AFF2: variants seen among roughly 807,000 people sequenced by gnomAD.
AFF2 encodes AF4/FMR2 family member 2.
A neutral mutation model predicts 76.9 loss-of-function variants in AFF2; 14 were observed. The observed-to-expected ratio is 0.18, with a 90% confidence interval of 0.12 to 0.28. The LOEUF is 0.28. AFF2 is among the 10% of genes least tolerant of loss of function. AFF2 has a pLI of 1.00. For synonymous variants in AFF2, 398 were observed against 366.7 expected (o/e 1.09, Z -0.98); for missense variants, 868 against 1,001.1 (o/e 0.87, Z 1.79).
At chrX:148,653,673 A>G (rs1304481082) in intron 2 of AFF2, among the ~76,000 whole-genome samples, 2 of 111,622 alleles carry the variant, frequency 1.8e-5, no homozygotes, top group Non-Finnish European at 3.8e-5. Flanking sequence ...AGCTATTGTA[A>G]TTGATGAGGG....
At chrX:148,743,457 A>G (rs73638183) in intron 3 of AFF2, among the ~76,000 whole-genome samples, 3,197 of 112,136 alleles carry the variant, frequency 0.029, 116 homozygotes, top group African/African-American at 0.099. Context: ...TTTTCTTATT[A>G]TGTACAGATA....
intron 3 of AFF2, among the ~76,000 whole-genome samples, chrX:148,720,146 C>G (rs1372834671): frequency 9.0e-6 from 1 of 111,008 alleles, no homozygotes; most frequent in East Asian, 2.9e-4. Context: ...TATACTCCAA[C>G]TACAGTAATT....
chrX:148,746,035 G>A (rs184286310), intron 3 of AFF2, among the ~76,000 whole-genome samples: 16 of 111,394 alleles, frequency 1.4e-4, no homozygotes, highest in African/African-American at 4.9e-4. Flanking sequence ...GAGCCACCGC[G>A]CCCAGCCCGT....
intron 3 of AFF2, among the ~76,000 whole-genome samples, chrX:148,768,951 T>G (rs1413938050): frequency 1.8e-5 from 2 of 112,225 alleles, no homozygotes; most frequent in African/African-American, 6.5e-5. Flanking sequence ...CACTTCTTTT[T>G]TATTTCAACT....
intron 1 of AFF2, among the ~76,000 whole-genome samples, chrX:148,633,451 A>G (rs1190604723): frequency 2.7e-5 from 3 of 112,069 alleles, no homozygotes; most frequent in Non-Finnish European, 3.8e-5. Flanking sequence ...ATGCATGTGC[A>G]CACACACACA....
At chrX:148,902,311 A>G (rs1298430628) in intron 8 of AFF2, among the ~76,000 whole-genome samples, 2 of 112,038 alleles carry the variant, frequency 1.8e-5, no homozygotes, top group African/African-American at 6.5e-5. Context: ...CCACTTGAAC[A>G]CAGCACCCAT....
chrX:148,753,017 A>G (rs1557266598), intron 3 of AFF2, among the ~76,000 whole-genome samples: 1 of 111,276 alleles, frequency 9.0e-6, no homozygotes, highest in African/African-American at 3.3e-5. Flanking sequence ...CCCTTTGCAT[A>G]AATATGGAGG....
chrX:148,692,746 T>C (rs1557260854), intron 3 of AFF2, among the ~76,000 whole-genome samples: 10 of 111,658 alleles, frequency 9.0e-5, no homozygotes. Flanking sequence ...AAGGATGGTA[T>C]CAATGAAGCC....
At chrX:148,571,929 G>C (rs973227873) in intron 1 of AFF2, among the ~76,000 whole-genome samples, 1 of 110,386 alleles carries the variant, frequency 9.1e-6, no homozygotes, top group Admixed American at 9.7e-5. Flanking sequence ...CAACTATTTT[G>C]ATTAAATATT....
intron 1 of AFF2, among the ~76,000 whole-genome samples, chrX:148,611,410 G>T (rs1206677207): frequency 8.9e-6 from 1 of 112,084 alleles, no homozygotes; most frequent in Non-Finnish European, 1.9e-5. Context: ...TCCCATGGCT[G>T]CTGTAACAAA....
At chrX:148,744,524 C>A (rs1228779238) in intron 3 of AFF2, among the ~76,000 whole-genome samples, 3 of 111,236 alleles carry the variant, frequency 2.7e-5, no homozygotes, top group African/African-American at 9.8e-5. Context: ...GAGTTTTGCG[C>A]CTTGTTTTCC....
intron 4 of AFF2, among the ~76,000 whole-genome samples, chrX:148,811,995 T>G (rs1603305197): frequency 9.0e-6 from 1 of 111,213 alleles, no homozygotes; most frequent in South Asian, 3.8e-4. Context: ...TTTTTTTTTT[T>G]TCCAACAACG....
intron 1 of AFF2, among the ~76,000 whole-genome samples, chrX:148,580,750 T>C (rs1557244297): frequency 1.8e-5 from 2 of 109,266 alleles, no homozygotes; most frequent in Non-Finnish European, 3.8e-5. Context: ...TGTGTGTATA[T>C]ATATATGTGT....
intron 3 of AFF2, among the ~76,000 whole-genome samples, chrX:148,756,244 G>A (rs919718694): frequency 2.7e-5 from 3 of 112,635 alleles, no homozygotes; most frequent in African/African-American, 9.7e-5. Flanking sequence ...TGGCTATGCT[G>A]TATATGTGCT....
intron 1 of AFF2, among the ~76,000 whole-genome samples, chrX:148,598,178 G>T (rs1557247582): frequency 8.9e-6 from 1 of 111,786 alleles, no homozygotes; most frequent in Non-Finnish European, 1.9e-5. Context: ...TAAAATAATA[G>T]TAAGGCAACT....
intron 1 of AFF2, among the ~76,000 whole-genome samples, chrX:148,503,128 T>C (rs1022101925): frequency 7.1e-5 from 8 of 112,662 alleles, no homozygotes; most frequent in Non-Finnish European, 1.5e-4. Flanking sequence ...CCTCTGTACA[T>C]GATCCAGGAA....
intron 9 of AFF2, among the ~76,000 whole-genome samples, chrX:148,922,717 T>C (rs1355188599): frequency 1.8e-5 from 2 of 111,823 alleles, no homozygotes; most frequent in African/African-American, 6.5e-5. Context: ...ATTTATTTAT[T>C]AATGGTCACT....
At chrX:148,821,018 G>A (rs1300528303) in intron 4 of AFF2, among the ~76,000 whole-genome samples, 2 of 110,654 alleles carry the variant, frequency 1.8e-5, no homozygotes, top group African/African-American at 6.6e-5. Context: ...GGGATAGAAG[G>A]CCTCAAATGG....
At chrX:148,935,124 CAACA>C (rs1399110956) in intron 9 of AFF2, among the ~76,000 whole-genome samples, 1 of 107,673 alleles carries the variant, frequency 9.3e-6, no homozygotes, top group African/African-American at 3.4e-5. Flanking sequence ...ATTAAGAACT[CAACA>C]AACAAAGTTT....
Sources: allele counts gnomAD v4.1 joint callset (sites outside exome capture counted in the v4.1 genomes callset), GRCh38; gene constraint gnomAD v4.1.1; transcripts MANE v1.5; gene names NCBI Gene and HGNC (gene_info 2026-07-23, HGNC 2026-07-21).